Variants in DTWD2 observed in about 807,000 individuals in gnomAD.
The protein encoded by DTWD2 is tRNA-uridine aminocarboxypropyltransferase 2.
DTWD2 carries 39 observed loss-of-function variants against 31.8 expected under a neutral mutation model. The ratio of observed to expected loss-of-function variants is 1.22; its 90% CI spans 0.95 to 1.60. The LOEUF (loss-of-function observed/expected upper bound fraction) is 1.60. Ranked by LOEUF, DTWD2 falls within the 40% of genes most tolerant of loss-of-function variation. The pLI is 0.00. For synonymous variants in DTWD2, 180 were observed against 142.8 expected (o/e 1.26, Z -1.86); for missense variants, 515 against 381.5 (o/e 1.35, Z -2.92).
intron 1 of DTWD2, among the ~76,000 whole-genome samples, chr5:118,985,044 A>C (rs1340272803): frequency 6.6e-6 from 1 of 152,134 alleles, no homozygotes; most frequent in African/African-American, 2.4e-5. Flanking sequence ...TGGGTTATAG[A>C]GCATTAGGCC....
intron 1 of DTWD2, among the ~76,000 whole-genome samples, chr5:118,958,200 G>A (rs373229469): frequency 3.3e-5 from 5 of 151,950 alleles, no homozygotes; most frequent in South Asian, 4.1e-4. Flanking sequence ...CACACCTGTA[G>A]TCCCAGCACT....
chr5:118,961,191 G>A (rs932313791), intron 1 of DTWD2, among the ~76,000 whole-genome samples: 1 of 152,230 alleles, frequency 6.6e-6, no homozygotes, highest in Non-Finnish European at 1.5e-5. Context: ...AGCTAGAAAA[G>A]CCCCTACTAA....
At chr5:118,868,411 A>C (rs1316945013) in intron 4 of DTWD2, among the ~76,000 whole-genome samples, 1 of 152,202 alleles carries the variant, frequency 6.6e-6, no homozygotes, top group African/African-American at 2.4e-5. Context: ...AAAAATAGAT[A>C]AATTATACAA....
intron 3 of DTWD2, among the ~76,000 whole-genome samples, chr5:118,937,192 C>T (rs2149582993): frequency 6.6e-6 from 1 of 152,066 alleles, no homozygotes; most frequent in South Asian, 2.1e-4. Context: ...ACTATATTAA[C>T]AGAATTAAGG....
At chr5:118,960,565 T>C (rs1243241977) in intron 1 of DTWD2, among the ~76,000 whole-genome samples, 1 of 152,186 alleles carries the variant, frequency 6.6e-6, no homozygotes, top group Non-Finnish European at 1.5e-5. Context: ...CATCCAGCAA[T>C]CCCATTATTG....
chr5:118,926,710 ATT>A (rs904056001), intron 4 of DTWD2, among the ~76,000 whole-genome samples: 1 of 147,852 alleles, frequency 6.8e-6, no homozygotes, highest in Non-Finnish European at 1.5e-5. Flanking sequence ...AAAGAAAGTG[ATT>A]TTTTTTTTTG....
At chr5:118,983,910 G>T (rs1755363062) in intron 1 of DTWD2, among the ~76,000 whole-genome samples, 1 of 152,206 alleles carries the variant, frequency 6.6e-6, no homozygotes, top group Non-Finnish European at 1.5e-5. Context: ...AGTACCTTGG[G>T]AGGCTGAAGC....
intron 4 of DTWD2, among the ~76,000 whole-genome samples, chr5:118,916,345 T>C (rs946714944): frequency 1.3e-5 from 2 of 152,196 alleles, no homozygotes; most frequent in Non-Finnish European, 2.9e-5. Context: ...TCCCATACTC[T>C]GATTTATAAT....
intron 4 of DTWD2, among the ~76,000 whole-genome samples, chr5:118,873,637 G>A (rs1752556482): frequency 6.6e-6 from 1 of 152,176 alleles, no homozygotes; most frequent in African/African-American, 2.4e-5. Context: ...CATCGCCCCT[G>A]CCAATCCCCA....
At chr5:118,864,646 T>A (rs1004286631) in intron 4 of DTWD2, among the ~76,000 whole-genome samples, 10 of 150,448 alleles carry the variant, frequency 6.6e-5, no homozygotes, top group South Asian at 6.2e-4. Context: ...ATTTTATTTT[T>A]TTTTTATTTT....
At chr5:118,943,471 A>G (rs1754256283) in intron 2 of DTWD2, among the ~76,000 whole-genome samples, 1 of 151,988 alleles carries the variant, frequency 6.6e-6, no homozygotes, top group Admixed American at 6.6e-5. Flanking sequence ...GAATGGCATG[A>G]ACCTGGAAGG....
At chr5:118,950,133 C>T (rs1460151527) in intron 1 of DTWD2, among the ~76,000 whole-genome samples, 2 of 136,284 alleles carry the variant, frequency 1.5e-5, no homozygotes, top group Admixed American at 7.0e-5. Context: ...TGGTGTGAAC[C>T]CAGGAGACGG....
rs78428036 is a variant in DTWD2, at chr5:118,836,081, A to T, written c.*4836T>A. On this transcript the variant is annotated 3_prime_UTR_variant, in exon 6 of 6. Coordinates refer to ENST00000510708, the MANE Select transcript of DTWD2 (RefSeq NM_173666.4). ...ATAATCCTGAGGCAGGTACACTTTT[A>T]AAAAATGTTTTAATTCTTTAATATA... Among the ~76,000 whole-genome samples the T allele has an allele frequency of 0.045, 6,813 of 152,236 alleles. 177 individuals carry two copies. Among genetic ancestry groups the T allele is most frequent in the African/African-American group, 0.072 (2,970 of 41,536 alleles).
intron 4 of DTWD2, among the ~76,000 whole-genome samples, chr5:118,906,088 A>C (rs1278924811): frequency 6.6e-6 from 1 of 152,200 alleles, no homozygotes; most frequent in Admixed American, 6.5e-5. Context: ...TAAGCACATG[A>C]AAAGATGTTC....
intron 1 of DTWD2, among the ~76,000 whole-genome samples, chr5:118,956,586 T>A (rs1280632231): frequency 6.6e-6 from 1 of 152,240 alleles, no homozygotes; most frequent in Non-Finnish European, 1.5e-5. Context: ...AAAGCTTTAA[T>A]TAAATTTCTT....
At chr5:118,887,521 C>T (rs1339457259) in intron 4 of DTWD2, among the ~76,000 whole-genome samples, 1 of 152,160 alleles carries the variant, frequency 6.6e-6, no homozygotes, top group Non-Finnish European at 1.5e-5. Context: ...TGGTTCCCTC[C>T]ATATATCAAA....
chr5:118,962,964 C>T (rs1159425541), intron 1 of DTWD2, among the ~76,000 whole-genome samples: 1 of 152,174 alleles, frequency 6.6e-6, no homozygotes, highest in Non-Finnish European at 1.5e-5. Context: ...ACACATAGTT[C>T]TATCCAGCTG....
chr5:118,982,686 C>CTTTTTTT (rs56102830), intron 1 of DTWD2, among the ~76,000 whole-genome samples: 4 of 121,120 alleles, frequency 3.3e-5, no homozygotes, highest in Non-Finnish European at 5.1e-5. Context: ...AGTTTGTTTT[C>CTTTTTTT]TTTTTTTTTT....
chr5:118,855,363 G>A (rs1041364490), intron 4 of DTWD2, among the ~76,000 whole-genome samples: 19 of 150,862 alleles, frequency 1.3e-4, no homozygotes, highest in South Asian at 4.2e-4. Context: ...GATATTTATC[G>A]CACAGCTTTT....
Sources: allele counts gnomAD v4.1 joint callset (sites outside exome capture counted in the v4.1 genomes callset), GRCh38; gene constraint gnomAD v4.1.1; transcripts MANE v1.5; gene names NCBI Gene and HGNC (gene_info 2026-07-23, HGNC 2026-07-21).